SFI1: variants seen among roughly 807,000 people sequenced by gnomAD.
SFI1 encodes the protein SFI1 centrin binding protein, also known as protein SFI1 homolog.
Under a neutral mutation model 207.5 loss-of-function variants are expected in SFI1, and 195 were observed. The ratio of observed to expected loss-of-function variants is 0.94; its 90% CI spans 0.84 to 1.06. The LOEUF is 1.06. Ranked by LOEUF, SFI1 falls within the 50% of genes least tolerant of loss-of-function variation. The pLI, the probability that SFI1 is intolerant of heterozygous loss-of-function variation, is 0.00. For synonymous variants in SFI1, 630 were observed against 598.9 expected (o/e 1.05, Z -0.76); for missense variants, 1,634 against 1,588.0 (o/e 1.03, Z -0.49).
rs759946381 is a variant in SFI1, at chr22:31,617,037, G to A, written c.3471G>A (p.Gln1157=). The part of the protein sequence containing the change: ...LDLEAELEEI[Q]QQLLHYQTTK... ...TTGAGGCTGAACTTGAGGAGATCCAGCAGCAACTACTGCACTACCAGACCA... is the reference window on the plus strand; with the variant it reads ...TTGAGGCTGAACTTGAGGAGATCCAACAGCAACTACTGCACTACCAGACCA... Residue 1157 remains glutamine, a synonymous_variant, in exon 31 of 33, where the codon CAG becomes CAA. Transcript: ENST00000400288. The A allele has an allele frequency of 6.2e-7, 1 of 1,614,070 alleles. No individual in the cohort carries two copies. The highest frequency in any genetic ancestry group is 8.5e-7 in the Non-Finnish European group (1 of 1,180,034).
At chr22:31,512,621 A>T (rs1365206191) in intron 2 of SFI1, among the ~76,000 whole-genome samples, 1 of 151,418 alleles carries the variant, frequency 6.6e-6, no homozygotes, top group African/African-American at 2.4e-5. Context: ...GGGTTCAAAC[A>T]ATTCTCCTGC....
intron 15 of SFI1, among the ~76,000 whole-genome samples, chr22:31,596,596 G>C (rs1182822808): frequency 6.6e-6 from 1 of 151,966 alleles, no homozygotes; most frequent in East Asian, 1.9e-4. Context: ...TTGGAGACCA[G>C]TCTGACCAAC....
intron 18 of SFI1, 52 bp from the exon 19 acceptor site, chr22:31,604,257 A>G: frequency 6.9e-7 from 1 of 1,444,106 alleles, no homozygotes; most frequent in East Asian, 2.5e-5. Flanking sequence ...GCAGGAAGCC[A>G]CCCCCAACTC....
In SFI1 at chr22:31,618,445, T is replaced by C. The variant is rs2072225103; in HGVS notation, c.*27T>C. 2 of 1,517,452 alleles carry C rather than the reference T, an allele frequency of 1.3e-6. No homozygotes were observed. The highest frequency in any genetic ancestry group is 1.4e-5 in the African/African-American group (1 of 72,248). The allele number at this position is 1,517,452 out of a possible 1,614,324, so 94.0% of individuals were successfully genotyped here. On this transcript the variant is annotated 3_prime_UTR_variant, in exon 33 of 33. Transcript: ENST00000400288. Reference sequence around the variant, plus strand: ...GTGTTCGCACCAGGAACGCAGGTGCTGGGCTGTCGGGGAGGCCTCAGGCCA... The same window carrying C: ...GTGTTCGCACCAGGAACGCAGGTGCCGGGCTGTCGGGGAGGCCTCAGGCCA...
intron 15 of SFI1, among the ~76,000 whole-genome samples, chr22:31,591,225 C>G (rs1292192519): frequency 1.3e-5 from 2 of 152,270 alleles, no homozygotes; most frequent in East Asian, 3.9e-4. Flanking sequence ...TTGCACCGCC[C>G]TTGATCCATT....
At chr22:31,574,343 A>G (rs1450450042) in intron 9 of SFI1, among the ~76,000 whole-genome samples, 3 of 152,342 alleles carry the variant, frequency 2.0e-5, no homozygotes, top group African/African-American at 7.2e-5. Flanking sequence ...GATAAGCTAT[A>G]GACTAATGCC....
chr22:31,564,602 T>C (rs2062065130), intron 8 of SFI1, among the ~76,000 whole-genome samples: 1 of 151,894 alleles, frequency 6.6e-6, no homozygotes, highest in South Asian at 2.1e-4. Flanking sequence ...CCTCCCAGGC[T>C]TAAGTGATCC....
chr22:31,605,028 GAGGGCC>G (rs1411346184), intron 20 of SFI1, 83 bp downstream of exon 20: 2 of 1,257,310 alleles, frequency 1.6e-6, no homozygotes, highest in Non-Finnish European at 2.2e-6. Context: ...GGGTCCTGCT[GAGGGCC>G]AGGTCGGGGA....
chr22:31,533,454 C>T (rs1190301606), intron 4 of SFI1, among the ~76,000 whole-genome samples: 3 of 152,004 alleles, frequency 2.0e-5, no homozygotes, highest in East Asian at 1.9e-4. Flanking sequence ...TGTTTGAACC[C>T]GGGAGGCCGA....
intron 12 of SFI1, among the ~76,000 whole-genome samples, chr22:31,581,555 G>C (rs1291959067): frequency 6.6e-6 from 1 of 152,118 alleles, no homozygotes; most frequent in South Asian, 2.1e-4. Flanking sequence ...GCCTCCTAAA[G>C]TGCTGGGATT....
chr22:31,589,407 A>C, intron 14 of SFI1, 40 bp from the exon 15 acceptor site: 1 of 1,492,574 alleles, frequency 6.7e-7, no homozygotes, highest in Non-Finnish European at 8.9e-7. Flanking sequence ...TTTAAAAAAA[A>C]AAAAGTTAAG....
intron 27 of SFI1, chr22:31,614,323 A>C: frequency 2.8e-6 from 1 of 360,618 alleles, no homozygotes; most frequent in South Asian, 2.3e-5. Flanking sequence ...GGTCTCCTCA[A>C]ACCCTAACCT....
At chr22:31,500,536 C>T (rs984792003) in intron 1 of SFI1, among the ~76,000 whole-genome samples, 1 of 152,148 alleles carries the variant, frequency 6.6e-6, no homozygotes, top group Admixed American at 6.5e-5. Flanking sequence ...TGGCTCACTG[C>T]AACCTCTGCC....
intron 15 of SFI1, among the ~76,000 whole-genome samples, chr22:31,594,984 A>AATTTATTT: frequency 6.6e-6 from 1 of 151,532 alleles, no homozygotes; most frequent in South Asian, 2.1e-4. Flanking sequence ...AAATAATAAT[A>AATTTATTT]ATTTATTTAT....
At chr22:31,525,743 TA>T (rs2057836159) in intron 2 of SFI1, among the ~76,000 whole-genome samples, 1 of 151,756 alleles carries the variant, frequency 6.6e-6, no homozygotes, top group Non-Finnish European at 1.5e-5. Flanking sequence ...GATAGATAGA[TA>T]GATAGATAGA....
At chr22:31,608,463 A>G (rs961671815) in intron 22 of SFI1, among the ~76,000 whole-genome samples, 14 of 152,232 alleles carry the variant, frequency 9.2e-5, no homozygotes, top group African/African-American at 2.9e-4. Context: ...ATCCTAACCA[A>G]TTACATCTGC....
chr22:31,576,661 T>C (rs1252797501), intron 10 of SFI1, among the ~76,000 whole-genome samples: 2 of 150,854 alleles, frequency 1.3e-5, no homozygotes, highest in Non-Finnish European at 3.0e-5. Context: ...TTTTTTGAGA[T>C]GGAGTTTCGC....
intron 15 of SFI1, among the ~76,000 whole-genome samples, chr22:31,598,712 T>C (rs1404929188): frequency 4.6e-5 from 6 of 131,386 alleles, no homozygotes; most frequent in African/African-American, 8.7e-5. Flanking sequence ...CCACTGCGCC[T>C]GGCCTTTTTT....
At chr22:31,531,539 C>T (rs964270351) in intron 4 of SFI1, among the ~76,000 whole-genome samples, 1 of 152,166 alleles carries the variant, frequency 6.6e-6, no homozygotes, top group African/African-American at 2.4e-5. Flanking sequence ...GCGGGTGAAT[C>T]ATCTGAGGTT....
Sources: gnomAD v4.1 joint callset for allele counts (sites outside exome capture counted in the v4.1 genomes callset) on GRCh38, gnomAD v4.1.1 for gene constraint, MANE v1.5 for transcripts, NCBI Gene and HGNC (gene_info 2026-07-23, HGNC 2026-07-21) for gene names.